Variants in SLC25A40 observed in about 807,000 individuals in gnomAD.
SLC25A40 encodes mitochondrial glutathione transporter SLC25A40.
SLC25A40 carries 41 observed loss-of-function variants against 46.5 expected under a neutral mutation model. The observed-to-expected ratio is 0.88, with a 90% CI of 0.69 to 1.14. SLC25A40 has a LOEUF of 1.14. SLC25A40 is among the 50% of genes most tolerant of loss of function. The pLI is 0.00. For missense variants in SLC25A40, 386 were observed against 393.6 expected (o/e 0.98, Z 0.16); for synonymous variants, 126 against 127.5 (o/e 0.99, Z 0.08).
chr7:87,857,278 T>C (rs1838629131), intron 3 of SLC25A40, among the ~76,000 whole-genome samples: 1 of 152,230 alleles, frequency 6.6e-6, no homozygotes, highest in Admixed American at 6.5e-5. Context: ...TCTTGCTTTC[T>C]ATTATAGACA....
chr7:87,842,550 G>A (rs953035898), intron 9 of SLC25A40, among the ~76,000 whole-genome samples: 1 of 151,892 alleles, frequency 6.6e-6, no homozygotes, highest in East Asian at 1.9e-4. Context: ...CTTGAAATCA[G>A]CTTCAAAGAT....
At chr7:87,872,814 T>G (rs758381976) in intron 1 of SLC25A40, among the ~76,000 whole-genome samples, 7 of 152,018 alleles carry the variant, frequency 4.6e-5, no homozygotes, top group Non-Finnish European at 1.0e-4. Context: ...ATACAAAAAT[T>G]AGCTGGGCAT....
chr7:87,850,597 A>C (rs1039964501), intron 5 of SLC25A40, among the ~76,000 whole-genome samples: 5 of 151,962 alleles, frequency 3.3e-5, no homozygotes, highest in African/African-American at 1.2e-4. Context: ...GTTAGAACTT[A>C]TCTCTACAAA....
chr7:87,872,353 A>C (rs1216927090), intron 1 of SLC25A40, among the ~76,000 whole-genome samples: 1 of 152,354 alleles, frequency 6.6e-6, no homozygotes, highest in Middle Eastern at 3.4e-3. Flanking sequence ...AGAGCAAATT[A>C]GAACCAAAAG....
chr7:87,867,361 G>A (rs2131021525), intron 1 of SLC25A40, among the ~76,000 whole-genome samples: 1 of 152,104 alleles, frequency 6.6e-6, no homozygotes, highest in African/African-American at 2.4e-5. Context: ...TGTTTTCTCT[G>A]CTTGATCCAT....
intron 1 of SLC25A40, among the ~76,000 whole-genome samples, chr7:87,865,421 C>T (rs747559039): frequency 5.3e-5 from 8 of 152,124 alleles, no homozygotes; most frequent in Non-Finnish European, 8.8e-5. Context: ...AGATTTTTCT[C>T]TTATGCTTCA....
intron 1 of SLC25A40, among the ~76,000 whole-genome samples, chr7:87,862,912 T>G (rs533256574): frequency 6.6e-6 from 1 of 152,166 alleles, no homozygotes; most frequent in African/African-American, 2.4e-5. Context: ...TGGGAAAGAC[T>G]CACCCTCATG....
At chr7:87,867,702 CTGGAT>C (rs901459502) in intron 1 of SLC25A40, among the ~76,000 whole-genome samples, 7 of 152,066 alleles carry the variant, frequency 4.6e-5, no homozygotes, top group African/African-American at 1.4e-4. Flanking sequence ...TCTTTTTGGT[CTGGAT>C]TGTTTTGGTG....
intron 1 of SLC25A40, among the ~76,000 whole-genome samples, chr7:87,872,697 C>T (rs1486981445): frequency 6.6e-6 from 1 of 152,210 alleles, no homozygotes; most frequent in Non-Finnish European, 1.5e-5. Context: ...CACAGTGGCT[C>T]ACGCTTGTAA....
At chr7:87,846,305 T>C (rs1232896088) in intron 8 of SLC25A40, among the ~76,000 whole-genome samples, 1 of 152,202 alleles carries the variant, frequency 6.6e-6, no homozygotes, top group East Asian at 1.9e-4. Flanking sequence ...TTTTAAAAGA[T>C]ATTTATATTC....
chr7:87,855,759 C>A (rs1014512209), intron 4 of SLC25A40, among the ~76,000 whole-genome samples: 1 of 152,080 alleles, frequency 6.6e-6, no homozygotes, highest in Non-Finnish European at 1.5e-5. Flanking sequence ...TGTTTTCTGC[C>A]ACTTAAAATA....
intron 7 of SLC25A40, among the ~76,000 whole-genome samples, chr7:87,847,557 G>A (rs1226394161): frequency 2.6e-5 from 4 of 151,986 alleles, no homozygotes; most frequent in Non-Finnish European, 2.9e-5. Flanking sequence ...CCTGAATCAC[G>A]CATGATCCCA....
chr7:87,861,343 TATTAG>T (rs1305070883), intron 1 of SLC25A40, among the ~76,000 whole-genome samples: 3 of 152,230 alleles, frequency 2.0e-5, no homozygotes, highest in Non-Finnish European at 4.4e-5. Context: ...CATGGTCTGG[TATTAG>T]ATAATATTAA....
intron 11 of SLC25A40, among the ~76,000 whole-genome samples, 175 bp downstream of exon 11, chr7:87,836,553 TTA>T (rs1201342468): frequency 1.3e-5 from 2 of 151,476 alleles, no homozygotes; most frequent in African/African-American, 4.8e-5. Flanking sequence ...AGAGAAATTT[TTA>T]TCTTATTGAT....
rs546795805 is a variant in SLC25A40 at position 87,841,145 on chromosome 7, G to A, written c.823+488C>T. Among the ~76,000 whole-genome samples the A allele has an allele frequency of 2.7e-5, 4 of 148,134 alleles. No individual in the cohort carries two copies. In the South Asian group the frequency reaches 8.4e-4, roughly 31 times the overall value. ...GCTTAAAAACAAAATGTGTGTGTGTGTGTGTGTGTGTGTGTATATATATAT... is the reference window on the plus strand; with the variant it reads ...GCTTAAAAACAAAATGTGTGTGTGTATGTGTGTGTGTGTGTATATATATAT... On this transcript the variant is annotated intron_variant, in intron 10 of 11. Coordinates refer to ENST00000341119, the MANE Select transcript of SLC25A40 (RefSeq NM_018843.4).
Position 87,836,144 on chromosome 7 carries a change from G to A in SLC25A40, c.*105C>T. The A allele has an allele frequency of 5.1e-6, 3 of 590,800 alleles. No homozygotes were observed. The highest frequency in any genetic ancestry group is 5.1e-5 in the South Asian group (2 of 39,228). 36.6% of individuals were successfully genotyped at this position (590,800 alleles called of 1,614,324 possible). ...AATTATTTATTTAAATTATAGGAAAGAAAGACATAAAATCATTGTGAGAGA... is the reference window on the plus strand; with the variant it reads ...AATTATTTATTTAAATTATAGGAAAAAAAGACATAAAATCATTGTGAGAGA... On this transcript the variant is annotated 3_prime_UTR_variant, in exon 12 of 12. Coordinates refer to ENST00000341119, the MANE Select transcript of SLC25A40 (RefSeq NM_018843.4).
chr7:87,866,766 G>A (rs1458180032), intron 1 of SLC25A40, among the ~76,000 whole-genome samples: 1 of 152,210 alleles, frequency 6.6e-6, no homozygotes, highest in African/African-American at 2.4e-5. Flanking sequence ...ATAAGTTAAA[G>A]ATCTTAAGTA....
intron 1 of SLC25A40, among the ~76,000 whole-genome samples, chr7:87,873,575 G>A (rs1838927473): frequency 6.6e-6 from 1 of 151,972 alleles, no homozygotes; most frequent in Non-Finnish European, 1.5e-5. Flanking sequence ...TGGGGTTACA[G>A]GCGGGGACCA....
intron 9 of SLC25A40, chr7:87,841,973 C>A: frequency 8.0e-6 from 3 of 373,692 alleles, no homozygotes; most frequent in Non-Finnish European, 1.6e-5. Flanking sequence ...AGCCACAATT[C>A]CAACCAAGCC....
Sources: allele counts gnomAD v4.1 joint callset (sites outside exome capture counted in the v4.1 genomes callset), GRCh38; gene constraint gnomAD v4.1.1; transcripts MANE v1.5; gene names NCBI Gene and HGNC (gene_info 2026-07-23, HGNC 2026-07-21).